PPP2R2B: variants seen among roughly 807,000 people sequenced by gnomAD.
PPP2R2B encodes the protein serine/threonine-protein phosphatase 2A 55 kDa regulatory subunit B beta isoform.
In PPP2R2B, 5 loss-of-function variants were observed where a neutral mutation model predicts 46.0. The observed-to-expected ratio is 0.11, with a 90% CI of 0.06 to 0.23. The LOEUF is 0.23. Among genes scored for constraint, PPP2R2B ranks in the 10% least tolerant of loss-of-function variants. PPP2R2B has a pLI of 1.00. For missense variants in PPP2R2B, 367 were observed against 575.0 expected (o/e 0.64, Z 3.70); for synonymous variants, 215 against 206.7 (o/e 1.04, Z -0.34).
intron 2 of PPP2R2B, among the ~76,000 whole-genome samples, chr5:146,836,977 T>C (rs1418947993): frequency 6.6e-6 from 1 of 152,258 alleles, no homozygotes. Flanking sequence ...CACTTGGTTT[T>C]AGGTGCTACG....
chr5:146,601,341 G>A (rs1227233521), intron 7 of PPP2R2B, among the ~76,000 whole-genome samples: 2 of 152,168 alleles, frequency 1.3e-5, no homozygotes, highest in Non-Finnish European at 2.9e-5. Flanking sequence ...GCTCATGCCT[G>A]TATTCAGCAC....
intron 1 of PPP2R2B, among the ~76,000 whole-genome samples, chr5:147,031,221 C>T (rs948062977): frequency 2.0e-5 from 3 of 151,142 alleles, no homozygotes; most frequent in South Asian, 2.1e-4. Context: ...TGGGCAACAG[C>T]GAGACTCCAC....
At chr5:146,812,807 A>ATATATATATG (rs1757688772) in intron 2 of PPP2R2B, among the ~76,000 whole-genome samples, 7 of 60,726 alleles carry the variant, frequency 1.2e-4, no homozygotes, top group East Asian at 4.8e-4. Context: ...ATATATATAT[A>ATATATATATG]TATATATATA....
At chr5:146,675,130 T>C (rs1777624330) in intron 5 of PPP2R2B, among the ~76,000 whole-genome samples, 1 of 152,000 alleles carries the variant, frequency 6.6e-6, no homozygotes, top group Non-Finnish European at 1.5e-5. Context: ...CCCAGCTAAT[T>C]TTTGTATTTT....
In PPP2R2B at chr5:146,637,041, T is replaced by A. The variant is rs1017825621; in HGVS notation, c.790+1210A>T. ...ATGGCCTAACCCATAATTATCTCCA[T>A]CATTCACTTGAGTATTAAAACTAAA... On this transcript the variant is annotated intron_variant, in intron 7 of 9. Coordinates refer to ENST00000394411, the MANE Select transcript of PPP2R2B (RefSeq NM_181675.4). 3.3e-4 allele frequency among the ~76,000 whole-genome samples: 50 copies of A among 152,220 alleles called. 2 individuals are homozygous for A. The highest frequency in any genetic ancestry group is 7.2e-4 in the Admixed American group (11 of 15,286).
chr5:146,669,799 G>A (rs941695092), intron 5 of PPP2R2B, among the ~76,000 whole-genome samples: 4 of 152,172 alleles, frequency 2.6e-5, no homozygotes, highest in East Asian at 1.9e-4. Context: ...AATAAGTCAT[G>A]AGGTCCTCGG....
At position 146,969,215 on chromosome 5, in the gene PPP2R2B, A is replaced by G. The variant is rs535982291; in HGVS notation, c.79+86450T>C. ...GGGGAAAGCTTTCTGAGACAAAAAT[A>G]TCTAATCTGAGACCTGAAGGAAAAT... On this transcript the variant is annotated intron_variant, in intron 1 of 8. Transcript: ENST00000336640. Among the ~76,000 whole-genome samples, 26 of 152,338 alleles carry G rather than the reference A, an allele frequency of 1.7e-4. 1 individual carries two copies. The highest frequency in any genetic ancestry group is 1.5e-3 in the Admixed American group (23 of 15,296).
chr5:146,692,544 T>TG, intron 4 of PPP2R2B, among the ~76,000 whole-genome samples: 1 of 149,274 alleles, frequency 6.7e-6, no homozygotes, highest in Non-Finnish European at 1.5e-5. Context: ...TTTTTTTTTT[T>TG]TTTTTTTGAG....
rs777127302 is a variant in PPP2R2B at position 146,856,625 on chromosome 5, G to C, written c.70+21377C>G. The C allele has an allele frequency of 2.1e-6, 3 of 1,420,668 alleles. No homozygotes were observed. In the Admixed American group the frequency reaches 5.0e-5, roughly 24 times the overall value. The allele number at this position is 1,420,668 out of a possible 1,614,324, so 88.0% of individuals were successfully genotyped here. ...GTTCAGATCCAGACTCCAGGAGGTA[G>C]TGATGCTTCAACTTTTGGTAACATA... On this transcript the variant is annotated intron_variant, in intron 2 of 9. Coordinates refer to ENST00000394411, the MANE Select transcript of PPP2R2B (RefSeq NM_181675.4).
chr5:147,014,629 C>T (rs1358355719), intron 1 of PPP2R2B, among the ~76,000 whole-genome samples: 4 of 151,488 alleles, frequency 2.6e-5, no homozygotes, highest in South Asian at 2.1e-4. Flanking sequence ...AGTAAACTAT[C>T]GCAAGAACAA....
chr5:146,811,561 T>C (rs892337561), intron 2 of PPP2R2B, among the ~76,000 whole-genome samples: 7 of 143,028 alleles, frequency 4.9e-5, no homozygotes, highest in Non-Finnish European at 9.2e-5. Context: ...CTATGTATTT[T>C]TTTTTTTTTT....
chr5:146,848,006 G>A (rs139895692), intron 2 of PPP2R2B, among the ~76,000 whole-genome samples: 96 of 152,228 alleles, frequency 6.3e-4, no homozygotes, highest in African/African-American at 2.2e-3. Flanking sequence ...ACCATATCAG[G>A]ATTTAAAAGA....
chr5:146,874,807 C>G (rs956453971), intron 2 of PPP2R2B, among the ~76,000 whole-genome samples: 1 of 151,850 alleles, frequency 6.6e-6, no homozygotes, highest in Non-Finnish European at 1.5e-5. Context: ...GGTTAGGAAA[C>G]CTGGGGTTCC....
chr5:147,040,269 C>A lies in PPP2R2B; in HGVS notation c.79+15396G>T, dbSNP rs1033799024. Reference sequence around the variant, plus strand: ...TCAAATAAATAATTTTGTATGATACCCTAGCATATCTGAGGATCAACAGAG... The same window carrying A: ...TCAAATAAATAATTTTGTATGATACACTAGCATATCTGAGGATCAACAGAG... On this transcript the variant is annotated intron_variant, in intron 1 of 8. Transcript: ENST00000336640. Among the ~76,000 whole-genome samples, 3 of 151,756 alleles carry A rather than the reference C, an allele frequency of 2.0e-5. No homozygotes were observed. The East Asian group carries it at 5.8e-4, about 29-fold the overall frequency.
intron 1 of PPP2R2B, among the ~76,000 whole-genome samples, chr5:146,938,439 C>A (rs1323799735): frequency 8.9e-6 from 1 of 112,392 alleles, no homozygotes; most frequent in African/African-American, 4.8e-5. Flanking sequence ...AAAGATTCTG[C>A]AAACTCTGAC....
intron 1 of PPP2R2B, among the ~76,000 whole-genome samples, chr5:146,938,570 G>A (rs372336671): frequency 2.0e-5 from 3 of 151,856 alleles, no homozygotes; most frequent in Non-Finnish European, 4.4e-5. Flanking sequence ...AGGTAATAAA[G>A]TATTTGTTAT....
chr5:146,900,885 T>C (rs1189395202), intron 1 of PPP2R2B, among the ~76,000 whole-genome samples: 1 of 152,022 alleles, frequency 6.6e-6, no homozygotes, highest in Non-Finnish European at 1.5e-5. Context: ...TAAAAGTGTT[T>C]AATTTTCTGT....
intron 2 of PPP2R2B, among the ~76,000 whole-genome samples, chr5:146,801,875 GC>G: frequency 6.6e-6 from 1 of 152,274 alleles, no homozygotes; most frequent in African/African-American, 2.4e-5. Flanking sequence ...CCAGAGCTAA[GC>G]CCAAATTCGA....
intron 1 of PPP2R2B, among the ~76,000 whole-genome samples, chr5:147,002,697 C>T (rs952812081): frequency 6.6e-5 from 10 of 152,128 alleles, no homozygotes; most frequent in East Asian, 5.8e-4. Context: ...GCTGCTGCGT[C>T]GGTGGGCGCA....
Sources: allele counts gnomAD v4.1 joint callset (sites outside exome capture counted in the v4.1 genomes callset), GRCh38; gene constraint gnomAD v4.1.1; transcripts MANE v1.5; gene names NCBI Gene and HGNC (gene_info 2026-07-23, HGNC 2026-07-21).